PTPRK: variants seen among roughly 807,000 people sequenced by gnomAD.
PTPRK encodes protein tyrosine phosphatase receptor type K.
A neutral mutation model predicts 178.0 loss-of-function variants in PTPRK; 75 were observed. The observed-to-expected ratio is 0.42, with a 90% CI of 0.35 to 0.51. PTPRK has a LOEUF of 0.51. Ranked by LOEUF, PTPRK falls within the 20% of genes least tolerant of loss-of-function variation. The pLI, the probability that PTPRK is intolerant of heterozygous loss-of-function variation, is 0.02. For synonymous variants in PTPRK, 637 were observed against 620.6 expected (o/e 1.03, Z -0.39); for missense variants, 1,441 against 1,797.8 (o/e 0.80, Z 3.59).
chr6:128,162,317 C>A (rs1798819856), intron 7 of PTPRK, among the ~76,000 whole-genome samples: 1 of 151,652 alleles, frequency 6.6e-6, no homozygotes, highest in South Asian at 2.1e-4. Context: ...AAATTTACTC[C>A]ATTTTATCTT....
At chr6:128,434,356 A>C (rs1845235487) in intron 1 of PTPRK, among the ~76,000 whole-genome samples, 2 of 152,338 alleles carry the variant, frequency 1.3e-5, no homozygotes, top group South Asian at 2.1e-4. Flanking sequence ...CTCAGTTTCA[A>C]AACGACTAAT....
chr6:128,082,456 A>G lies in PTPRK; in HGVS notation c.1758T>C (p.Asn586=), dbSNP rs1336369551. Residue 586 remains asparagine (N), a synonymous_variant, in exon 10 of 30, where the codon AAT becomes AAC. Transcript: ENST00000368226. ...VKGFGPATAI[N]VTTNISAPTL... ...GCATACCTGAGATATTGGTGGTGACATTGATGGCTGTGGCTGGACCAAAGC... is the reference window on the plus strand; with the variant it reads ...GCATACCTGAGATATTGGTGGTGACGTTGATGGCTGTGGCTGGACCAAAGC... 6.2e-7 allele frequency: 1 copy of G among 1,610,686 alleles called. No individual in the cohort carries two copies. The highest frequency in any genetic ancestry group is 1.1e-5 in the South Asian group (1 of 91,006).
intron 6 of PTPRK, among the ~76,000 whole-genome samples, chr6:128,206,376 T>C (rs933577693): frequency 1.4e-4 from 18 of 131,436 alleles, no homozygotes; most frequent in East Asian, 1.1e-3. Context: ...AGCAGAAAGA[T>C]ACATGCTGCT....
chr6:128,161,256 T>C (rs964639263), intron 7 of PTPRK, among the ~76,000 whole-genome samples: 1 of 151,694 alleles, frequency 6.6e-6, no homozygotes, highest in African/African-American at 2.4e-5. Flanking sequence ...TGAATATAAA[T>C]CAGAAAGAAA....
chr6:128,330,659 C>A (rs913017649), intron 2 of PTPRK, among the ~76,000 whole-genome samples: 1 of 152,108 alleles, frequency 6.6e-6, no homozygotes, highest in East Asian at 1.9e-4. Context: ...GCCCTACAAT[C>A]GTTTCTGATA....
chr6:128,062,615 AATG>A lies in PTPRK; in HGVS notation c.2194+2140_2194+2142del, dbSNP rs1172209723. The A allele has an allele frequency of 2.4e-5, 4 of 167,086 alleles. No homozygotes were observed. The East Asian group carries it at 5.8e-4, about 24-fold the overall frequency. 10.4% of individuals were successfully genotyped at this position (167,086 alleles called of 1,614,324 possible). On this transcript the variant is annotated intron_variant, in intron 13 of 29. Transcript: ENST00000368226. ...CTCTTAAGTACAAAATTATTAGCATAATGATAAGATAGTTAACACATGTACTGT... is the reference window on the plus strand; with the variant it reads ...CTCTTAAGTACAAAATTATTAGCATAATAAGATAGTTAACACATGTACTGT...
intron 1 of PTPRK, among the ~76,000 whole-genome samples, chr6:128,449,123 G>C (rs1203634736): frequency 6.6e-6 from 1 of 152,054 alleles, no homozygotes; most frequent in Non-Finnish European, 1.5e-5. Context: ...GCCTCCCAAA[G>C]TGCTGGGATT....
At chr6:128,276,063 CTATT>C (rs1231469428) in intron 3 of PTPRK, among the ~76,000 whole-genome samples, 2 of 151,868 alleles carry the variant, frequency 1.3e-5, no homozygotes, top group Non-Finnish European at 2.9e-5. Context: ...GTAACATTAA[CTATT>C]TAATTAAATA....
At chr6:128,381,969 C>T (rs1584454516) in intron 2 of PTPRK, among the ~76,000 whole-genome samples, 1 of 151,398 alleles carries the variant, frequency 6.6e-6, no homozygotes, top group South Asian at 2.1e-4. Flanking sequence ...ATCACTTGAG[C>T]CCAGGAGTTT....
chr6:128,401,116 C>T (rs1371244318), intron 1 of PTPRK, among the ~76,000 whole-genome samples: 1 of 152,068 alleles, frequency 6.6e-6, no homozygotes, highest in Non-Finnish European at 1.5e-5. Context: ...TTCCTCTACG[C>T]CAATCAATCA....
chr6:128,225,311 A>G (rs537358117), intron 5 of PTPRK, among the ~76,000 whole-genome samples: 1 of 152,282 alleles, frequency 6.6e-6, no homozygotes, highest in Admixed American at 6.5e-5. Context: ...GAAAGAGCCT[A>G]TTTTCTTATG....
intron 15 of PTPRK, among the ~76,000 whole-genome samples, chr6:128,000,737 G>C (rs1403920415): frequency 6.6e-6 from 1 of 152,038 alleles, no homozygotes; most frequent in Non-Finnish European, 1.5e-5. Flanking sequence ...AGAATATACA[G>C]TTAAGGATGA....
intron 1 of PTPRK, among the ~76,000 whole-genome samples, chr6:128,458,074 C>A (rs953421869): frequency 3.3e-5 from 5 of 152,138 alleles, no homozygotes; most frequent in African/African-American, 1.2e-4. Context: ...GTATTCTCAA[C>A]TGTCTCTACT....
At chr6:128,170,710 C>A (rs758653426) in intron 7 of PTPRK, among the ~76,000 whole-genome samples, 2 of 151,824 alleles carry the variant, frequency 1.3e-5, no homozygotes. Flanking sequence ...GAAATTAAAA[C>A]GACAATTCCT....
At chr6:128,315,724 C>A (rs1050756973) in intron 3 of PTPRK, among the ~76,000 whole-genome samples, 3 of 152,086 alleles carry the variant, frequency 2.0e-5, no homozygotes, top group African/African-American at 7.2e-5. Context: ...TGTATATTTC[C>A]TTCTTCCCAC....
rs562488618 is a variant in PTPRK, at chr6:128,325,269, A to T, written c.224-2959T>A. On this transcript the variant is annotated intron_variant, in intron 2 of 29. Transcript: ENST00000368226. ...ATTTGACATAAAAGACCTTTAAGAG[A>T]TATTCATGAATAAAACATCAAAAGC... is the stretch of plus-strand genomic sequence containing the variant. 2.1e-4 allele frequency among the ~76,000 whole-genome samples: 32 copies of T among 152,214 alleles called. No individual in the cohort carries two copies. In the South Asian group the frequency reaches 6.4e-3, roughly 31 times the overall value.
At chr6:128,465,819 A>G (rs537380623) in intron 1 of PTPRK, among the ~76,000 whole-genome samples, 2 of 152,186 alleles carry the variant, frequency 1.3e-5, no homozygotes, top group South Asian at 4.2e-4. Context: ...AAACTCAACC[A>G]TACCCACACC....
chr6:128,318,868 G>A (rs1426602006), intron 3 of PTPRK, among the ~76,000 whole-genome samples: 1 of 152,070 alleles, frequency 6.6e-6, no homozygotes, highest in Non-Finnish European at 1.5e-5. Context: ...CTTCTATTTA[G>A]CAATCAATTT....
chr6:128,205,777 CAAAAAAAAAAAAA>C (rs57003128), intron 6 of PTPRK, among the ~76,000 whole-genome samples: 8 of 15,230 alleles, frequency 5.3e-4, no homozygotes, highest in African/African-American at 7.2e-4. Context: ...CATCACAGAC[CAAAAAAAAAAAAA>C]AAAAAAAAAA....
Sources: gnomAD v4.1 joint callset for allele counts (sites outside exome capture counted in the v4.1 genomes callset) on GRCh38, gnomAD v4.1.1 for gene constraint, MANE v1.5 for transcripts, NCBI Gene and HGNC (gene_info 2026-07-23, HGNC 2026-07-21) for gene names.